Variants in EIF2B5 observed in about 807,000 individuals in gnomAD.
EIF2B5 encodes the protein translation initiation factor eIF2B subunit epsilon.
Under a neutral mutation model 87.3 loss-of-function variants are expected in EIF2B5, and 38 were observed. The ratio of observed to expected loss-of-function variants is 0.44; its 90% CI spans 0.34 to 0.57. EIF2B5 has a LOEUF of 0.57. Ranked by LOEUF, EIF2B5 falls within the 20% of genes least tolerant of loss-of-function variation. The pLI is 0.02. For missense variants in EIF2B5, 784 were observed against 909.5 expected (o/e 0.86, Z 1.78); for synonymous variants, 313 against 339.6 (o/e 0.92, Z 0.86).
In EIF2B5 at chr3:184,142,025, C is replaced by T; in HGVS notation, c.1257C>T (p.Val419=). 1 of 1,614,094 alleles carries T rather than the reference C, an allele frequency of 6.2e-7. No individual in the cohort carries two copies. Among genetic ancestry groups the T allele is most frequent in the Non-Finnish European group, 8.5e-7 (1 of 1,180,030 alleles). Residue 419 remains valine, a synonymous_variant, in exon 8 of 16, where the codon GTC becomes GTT. Coordinates refer to ENST00000648915, the MANE Select transcript of EIF2B5 (RefSeq NM_003907.3). The surrounding 1 kb of genome is among the most constrained non-coding windows in gnomAD (Gnocchi z 5.0). ...HQSLLCDNAE[V]KERVTLKPRS... The stretch of plus-strand genomic sequence containing the variant: ...CTCTGCTTTGTGACAATGCTGAGGT[C>T]AAGGAACGAGTGACACTGAAACCAC...
chr3:184,142,738 G>T lies in EIF2B5; in HGVS notation c.1547-41G>T. The stretch of plus-strand genomic sequence containing the variant: ...GGCAGGTATATTGCTCTCTGTCAAT[G>T]ACTCTTTTTTTCTTTTTCCTCACCC... On this transcript the variant is annotated intron_variant, in intron 10 of 15. Coordinates refer to ENST00000648915, the MANE Select transcript of EIF2B5 (RefSeq NM_003907.3). This position sits in a 1 kb window ranked among gnomAD's most constrained non-coding sequence, Gnocchi z 5.0. 1.3e-6 allele frequency: 2 copies of T among 1,592,088 alleles called. No homozygotes were observed. The highest frequency in any genetic ancestry group is 1.1e-5 in the South Asian group (1 of 88,836).
At chr3:184,136,790 C>T (rs1560106570) in intron 2 of EIF2B5, 54 bp downstream of exon 2, 2 of 1,613,078 alleles carry the variant, frequency 1.2e-6, no homozygotes, top group Non-Finnish European at 1.7e-6. Flanking sequence ...CCAGTTTTTT[C>T]AGGATGAATG....
Position 184,143,475 on chromosome 3 carries a change from G to A in EIF2B5, c.1779G>A (p.Met593Ile). The change falls in exon 13 of 16, where the codon ATG (methionine) becomes ATA (isoleucine). Residue 593 changes from methionine to isoleucine, a missense_variant. Physicochemically the swap from Met to Ile is conservative, Grantham distance 10. Transcript: ENST00000648915. Reference protein sequence around the residue: ...YAYNISLKEVMQVLSHVVLEF... With the variant: ...YAYNISLKEVIQVLSHVVLEF... ...ATAACATAAGTCTAAAGGAGGTGAT[G>A]CAGGTACTGAGCCACGTGGTCCTGG... The A allele has an allele frequency of 6.2e-7, 1 of 1,614,196 alleles. No homozygotes were observed. Among genetic ancestry groups the A allele is most frequent in the Non-Finnish European group, 8.5e-7 (1 of 1,180,040 alleles).
rs151147294 is a variant in EIF2B5 at position 184,142,201 on chromosome 3, C to T, written c.1303-36C>T. On this transcript the variant is annotated intron_variant, in intron 8 of 15. Transcript: ENST00000648915. This position sits in a 1 kb window ranked among gnomAD's most constrained non-coding sequence, Gnocchi z 5.0. ...TCATTATCAGGATGCACTTTTCCTCCACACCCTAATGGTTCTGTGTTTTTT... is the reference window on the plus strand; with the variant it reads ...TCATTATCAGGATGCACTTTTCCTCTACACCCTAATGGTTCTGTGTTTTTT... The T allele has an allele frequency of 1.3e-4, 202 of 1,614,084 alleles. No homozygotes were observed. The African/African-American group carries it at 2.2e-3, about 18-fold the overall frequency.
rs1422027927 is a variant in EIF2B5 at position 184,142,411 on chromosome 3, T to G, written c.1444+33T>G. The stretch of plus-strand genomic sequence containing the variant: ...ACTCAACAGGTGTGGGGCATCTGTG[T>G]GTCTCGCTGCCTCATAGAAGAACCA... On this transcript the variant is annotated intron_variant, in intron 9 of 15. Coordinates refer to ENST00000648915, the MANE Select transcript of EIF2B5 (RefSeq NM_003907.3). This position sits in a 1 kb window ranked among gnomAD's most constrained non-coding sequence, Gnocchi z 5.0. 5.6e-6 allele frequency: 9 copies of G among 1,614,084 alleles called. No homozygotes were observed. Among genetic ancestry groups the G allele is most frequent in the Non-Finnish European group, 7.6e-6 (9 of 1,180,040 alleles).
intron 5 of EIF2B5, 54 bp from the exon 6 acceptor site, chr3:184,140,026 A>G: frequency 1.4e-6 from 2 of 1,458,964 alleles, no homozygotes; most frequent in Non-Finnish European, 1.9e-6. Context: ...TGTCTCAAAA[A>G]AAAAAAAAAA....
intron 1 of EIF2B5, among the ~76,000 whole-genome samples, chr3:184,136,221 G>C (rs2109006100): frequency 6.6e-6 from 1 of 152,342 alleles, no homozygotes; most frequent in South Asian, 2.1e-4. Flanking sequence ...TTTTTGACAA[G>C]TGACGGGAGA....
At position 184,137,915 on chromosome 3, in the gene EIF2B5, A is replaced by G; in HGVS notation, c.524A>G (p.Glu175Gly). Residue 175 changes from glutamate (E) to glycine (G), a missense_variant, in exon 4 of 16, where the codon GAA becomes GGA. This residue lies in a region of EIF2B5 where 660 missense variants were observed against 789.5 expected (regional missense o/e 0.84). Coordinates refer to ENST00000648915, the MANE Select transcript of EIF2B5 (RefSeq NM_003907.3). ...LEEHRLRRKL[E>G]KNVSVMTMIF... ...CTTTATAGGTTGAGACGGAAGCTAG[A>G]AAAAAATGTTTCTGTGATGACGATG... The G allele has an allele frequency of 1.2e-6, 2 of 1,614,176 alleles. No individual in the cohort carries two copies. Among genetic ancestry groups the G allele is most frequent in the Non-Finnish European group, 1.7e-6 (2 of 1,180,038 alleles).
intron 1 of EIF2B5, 108 bp downstream of exon 1, chr3:184,135,688 A>G (rs1469805972): frequency 1.4e-6 from 2 of 1,428,394 alleles, no homozygotes; most frequent in Non-Finnish European, 1.9e-6. Flanking sequence ...ACCTGCGTCT[A>G]TGCTGTTATC....
chr3:184,143,605 A>G, intron 13 of EIF2B5, 40 bp downstream of exon 13: 1 of 1,614,046 alleles, frequency 6.2e-7, no homozygotes, highest in Non-Finnish European at 8.5e-7. Context: ...GATTGGGTAC[A>G]GGCAAAGGAA....
intron 5 of EIF2B5, among the ~76,000 whole-genome samples, chr3:184,138,565 G>C (rs1469977933): frequency 6.6e-6 from 1 of 152,076 alleles, no homozygotes; most frequent in African/African-American, 2.4e-5. Flanking sequence ...ATGTTGGCCA[G>C]GCTGGTCTCG....
At chr3:184,143,232 T>A in intron 12 of EIF2B5, 90 bp downstream of exon 12, 1 of 1,504,872 alleles carries the variant, frequency 6.6e-7, no homozygotes, top group Non-Finnish European at 9.1e-7. Context: ...TAGGAACCTA[T>A]TCCTTCGACA....
In EIF2B5 at chr3:184,140,548, C is replaced by T. The variant is rs377250231; in HGVS notation, c.974C>T (p.Ala325Val). ...RRWVYPLTPE[A>V]NFTDSTTQSC... is the part of the protein sequence containing the mutation. ...TGGGTCTACCCTCTCACCCCAGAGG[C>T]GAACTTCACTGACAGCACCACCCAG... is the stretch of plus-strand genomic sequence containing the variant. The change falls in exon 7 of 16, where the codon GCG (alanine) becomes GTG (valine). Residue 325 changes from alanine (A) to valine (V), a missense_variant. Physicochemically the swap from Ala to Val is moderately conservative, Grantham distance 64. Around this residue, in one of 3 missense-constraint regions of EIF2B5, gnomAD observed 660 missense variants for 789.5 expected, o/e 0.84. Transcript: ENST00000648915. 73 of 1,614,026 alleles carry T rather than the reference C, an allele frequency of 4.5e-5. No homozygotes were observed. Among genetic ancestry groups the T allele is most frequent in the Non-Finnish European group, 5.4e-5 (64 of 1,180,032 alleles).
chr3:184,144,745 C>G, intron 15 of EIF2B5, 38 bp downstream of exon 15: 6 of 1,599,606 alleles, frequency 3.8e-6, no homozygotes, highest in Non-Finnish European at 5.1e-6. Context: ...AGATGGTTAT[C>G]TCATTCCCAG....
chr3:184,142,988 A>G lies in EIF2B5; in HGVS notation c.1655-64A>G. On this transcript the variant is annotated intron_variant, in intron 11 of 15. Transcript: ENST00000648915. The surrounding 1 kb of genome is among the most constrained non-coding windows in gnomAD (Gnocchi z 5.0). ...AGAAAGGGTTTGGTATCGAGTCAAG[A>G]CTAGATGACTTAGAGCATTCTGAAT... 1.3e-6 allele frequency: 2 copies of G among 1,581,532 alleles called. No homozygotes were observed. Among genetic ancestry groups the G allele is most frequent in the South Asian group, 2.3e-5 (2 of 88,656 alleles).
Position 184,142,939 on chromosome 3 carries a change from A to G in EIF2B5, c.1654+53A>G. 1.9e-6 allele frequency: 3 copies of G among 1,578,406 alleles called. No individual in the cohort carries two copies. Among genetic ancestry groups the G allele is most frequent in the Non-Finnish European group, 1.7e-6 (2 of 1,154,220 alleles). ...ACCAGTTTATTCTCTGCCTGGATCA[A>G]CTAGCCAGAGGCTTACGTTCCTCAG... On this transcript the variant is annotated intron_variant, in intron 11 of 15. Transcript: ENST00000648915. The surrounding 1 kb of genome is among the most constrained non-coding windows in gnomAD (Gnocchi z 5.0).
In EIF2B5 at chr3:184,142,305, G is replaced by C. The variant is rs183292258; in HGVS notation, c.1371G>C (p.Glu457Asp). ...TCTCTTTGCACCCTCCAGATGCAGA[G>C]GAAGATGAAGATGATGGCGAGTTCA... is the stretch of plus-strand genomic sequence containing the variant. ...SVISLHPPDAEEDEDDGEFSD... is the reference protein window; with the variant it reads ...SVISLHPPDADEDEDDGEFSD... The change falls in exon 9 of 16, where the codon GAG becomes GAC. Residue 457 changes from glutamate (E) to aspartate (D), a missense_variant. By Grantham distance (45) the Glu-to-Asp change is conservative (BLOSUM62 2). This residue lies in a region of EIF2B5 where 660 missense variants were observed against 789.5 expected (regional missense o/e 0.84). Transcript: ENST00000648915. The surrounding 1 kb of genome is among the most constrained non-coding windows in gnomAD (Gnocchi z 5.0). The C allele has an allele frequency of 1.2e-6, 2 of 1,614,162 alleles. No individual in the cohort carries two copies. Among genetic ancestry groups the C allele is most frequent in the Non-Finnish European group, 1.7e-6 (2 of 1,180,030 alleles).
chr3:184,141,662 T>C (rs1713640424), intron 7 of EIF2B5, among the ~76,000 whole-genome samples: 1 of 152,174 alleles, frequency 6.6e-6, no homozygotes, highest in Non-Finnish European at 1.5e-5. Context: ...AATAAGGTTT[T>C]TTGAGTTCAG....
At position 184,144,602 on chromosome 3, in the gene EIF2B5, G is replaced by C. The variant is rs1360132252; in HGVS notation, c.2001G>C (p.Leu667=). Residue 667 remains leucine, a synonymous_variant, in exon 15 of 16, where the codon CTG becomes CTC. Coordinates refer to ENST00000648915, the MANE Select transcript of EIF2B5 (RefSeq NM_003907.3). ...EALGISMAKV[L]MAFYQLEILA... is the part of the protein sequence containing the mutation. ...CCTTTATTGGCCTTTTGCAGGTACT[G>C]ATGGCTTTCTACCAGCTGGAGATCC... The C allele has an allele frequency of 1.9e-6, 3 of 1,613,960 alleles. No individual in the cohort carries two copies. The highest frequency in any genetic ancestry group is 1.3e-5 in the African/African-American group (1 of 74,916).
Sources: allele counts gnomAD v4.1 joint callset (sites outside exome capture counted in the v4.1 genomes callset), GRCh38; gene constraint gnomAD v4.1.1; regional missense constraint gnomAD v4.1.1; non-coding constraint Gnocchi (gnomAD v3.1); transcripts MANE v1.5; gene names NCBI Gene and HGNC (gene_info 2026-07-23, HGNC 2026-07-21).